The following FN1 variants were observed in gnomAD, a reference collection of about 807,000 sequenced individuals.
FN1 encodes the protein fibronectin.
FN1 carries 106 observed loss-of-function variants against 297.3 expected under a neutral mutation model. That is an observed-to-expected ratio of 0.36 (90% CI 0.30 to 0.42). FN1 has a LOEUF of 0.42. Ranked by LOEUF, FN1 falls within the 10% of genes least tolerant of loss-of-function variation. FN1 has a pLI of 1.00. For synonymous variants in FN1, 1,149 were observed against 1,152.6 expected (o/e 1.00, Z 0.06); for missense variants, 2,690 against 3,124.9 (o/e 0.86, Z 3.32).
chr2:215,410,419 G>A (rs1350141181), intron 13 of FN1, among the ~76,000 whole-genome samples: 2 of 151,974 alleles, frequency 1.3e-5, no homozygotes, highest in African/African-American at 4.8e-5. Context: ...TAAGGCAATG[G>A]CATTGTTGCT....
intron 19 of FN1, 125 bp from the exon 20 acceptor site, chr2:215,404,780 A>C (rs981262638): frequency 2.2e-6 from 2 of 924,080 alleles, no homozygotes; most frequent in African/African-American, 3.3e-5. Flanking sequence ...GAAAGTCAAA[A>C]CCCTGGAAAA....
intron 40 of FN1, among the ~76,000 whole-genome samples, chr2:215,371,400 T>C (rs1156547643): frequency 6.6e-6 from 1 of 151,686 alleles, no homozygotes; most frequent in African/African-American, 2.4e-5. Context: ...GATAGTGGGG[T>C]TCTTCAAGGA....
chr2:215,407,133 G>A lies in FN1; in HGVS notation c.2707C>T (p.Arg903Cys), dbSNP rs371435589. 3.7e-6 allele frequency: 6 copies of A among 1,613,064 alleles called. No homozygotes were observed. Among genetic ancestry groups the A allele is most frequent in the East Asian group, 2.2e-5 (1 of 44,892 alleles). Residue 903 changes from arginine (R) to cysteine (C), a missense_variant, in exon 18 of 46, where the codon CGC becomes TGC. Arg to Cys is a radical substitution (Grantham distance 180). Transcript: ENST00000354785. ...VIQQETTGTP[R>C]SDTVPSPRDL... Reference sequence around the variant, plus strand: ...GTCTTCTTAAAAAAGTTACCTGAGCGTGGGGTGCCAGTGGTTTCTTGTTGA... The same window carrying A: ...GTCTTCTTAAAAAAGTTACCTGAGCATGGGGTGCCAGTGGTTTCTTGTTGA...
intron 28 of FN1, 118 bp downstream of exon 28, chr2:215,386,571 T>C: frequency 1.0e-5 from 1 of 98,806 alleles, no homozygotes; most frequent in Non-Finnish European, 1.9e-5. Context: ...ATGATCTATT[T>C]TTTTTTTTTT....
chr2:215,361,692 T>G (rs2053474604), intron 45 of FN1, 66 bp from the exon 46 acceptor site: 6 of 1,243,516 alleles, frequency 4.8e-6, no homozygotes, highest in South Asian at 3.6e-5. Context: ...GAAAAAAAAA[T>G]GCGGGGAGGT....
chr2:215,375,213 C>T lies in FN1; in HGVS notation c.6157+1G>A. ...AAATGACAGCATGGAAGCAGCAATACCAGTAATAGTAGCCTCTGTGACACC... is the reference window on the plus strand; with the variant it reads ...AAATGACAGCATGGAAGCAGCAATATCAGTAATAGTAGCCTCTGTGACACC... On this transcript the variant is annotated splice_donor_variant, in intron 38 of 45. Transcript: ENST00000354785. LOFTEE classifies it high-confidence loss of function. 1 of 1,613,992 alleles carries T rather than the reference C, an allele frequency of 6.2e-7. No homozygotes were observed. Among genetic ancestry groups the T allele is most frequent in the Non-Finnish European group, 8.5e-7 (1 of 1,179,912 alleles).
chr2:215,401,251 G>GAAATA (rs1559475860), intron 20 of FN1, among the ~76,000 whole-genome samples: 1 of 80,170 alleles, frequency 1.2e-5, no homozygotes, highest in African/African-American at 5.2e-5. Context: ...AGAAAGAAAG[G>GAAATA]AAGAAAGAAA....
rs1451748095 is a variant in FN1 at position 215,389,400 on chromosome 2, GCTT to G, written c.4253-1102_4253-1100del. The stretch of plus-strand genomic sequence containing the variant: ...TTACAGGCGTGAGCCACTGTGCCCA[GCTT>G]CTTCTTCCATTTTGATACACAGTCA... On this transcript the variant is annotated intron_variant, in intron 26 of 45. Transcript: ENST00000354785. 4.6e-5 allele frequency among the ~76,000 whole-genome samples: 7 copies of G among 152,028 alleles called. No homozygotes were observed. The East Asian group carries it at 1.2e-3, about 25-fold the overall frequency.
intron 40 of FN1, among the ~76,000 whole-genome samples, chr2:215,370,967 A>C (rs2055907308): frequency 6.6e-6 from 1 of 152,132 alleles, no homozygotes; most frequent in Admixed American, 6.5e-5. Context: ...ACACAATAAA[A>C]ATTGATACTG....
chr2:215,397,903 T>TA, intron 21 of FN1, 55 bp from the exon 22 acceptor site: 1 of 1,453,994 alleles, frequency 6.9e-7, no homozygotes, highest in Non-Finnish European at 9.7e-7. Context: ...AGAGGACTGT[T>TA]ACTGCTGTGA....
intron 12 of FN1, among the ~76,000 whole-genome samples, chr2:215,416,059 GA>G (rs1234614265): frequency 4.6e-5 from 7 of 151,518 alleles, no homozygotes; most frequent in Admixed American, 1.3e-4. Flanking sequence ...AAGCTTCTAG[GA>G]AAAAAAATAC....
intron 26 of FN1, among the ~76,000 whole-genome samples, chr2:215,391,048 T>C (rs917226051): frequency 1.3e-4 from 20 of 152,346 alleles, no homozygotes; most frequent in African/African-American, 4.8e-4. Context: ...ACAATTTCCA[T>C]AAATTGTTGT....
rs746541986 is a variant in FN1 at position 215,419,251 on chromosome 2, T to C, written c.1810A>G (p.Thr604Ala). 14 of 1,613,876 alleles carry C rather than the reference T, an allele frequency of 8.7e-6. No individual in the cohort carries two copies. Among genetic ancestry groups the C allele is most frequent in the Non-Finnish European group, 1.2e-5 (14 of 1,179,916 alleles). Residue 604 changes from threonine to alanine, a missense_variant, in exon 12 of 46, where the codon ACC becomes GCC. By Grantham distance (58) the Thr-to-Ala change is moderately conservative. Coordinates refer to ENST00000354785, the MANE Select transcript of FN1 (RefSeq NM_212482.4). ...TAATAGAGCTACTTACTTGGATAGG[T>C]CTGTAAAGGTTGGCAATGCCACTCC... ...IGEWHCQPLQTYPSSSGPVEV... is the reference protein window; with the variant it reads ...IGEWHCQPLQAYPSSSGPVEV...
At chr2:215,378,365 TAAAC>T (rs1257389830) in intron 34 of FN1, 103 bp from the exon 35 acceptor site, 8 of 721,828 alleles carry the variant, frequency 1.1e-5, no homozygotes, top group Non-Finnish European at 1.8e-5. Flanking sequence ...AAATAAAAAA[TAAAC>T]AAACCAGCAA....
At chr2:215,381,244 G>C (rs1055602290) in intron 32 of FN1, 164 bp from the exon 33 acceptor site, 10 of 703,766 alleles carry the variant, frequency 1.4e-5, no homozygotes, top group Non-Finnish European at 2.2e-5. Context: ...AATTTTTCTT[G>C]GTTTAGAAAA....
At position 215,406,325 on chromosome 2, in the gene FN1, G is replaced by A. The variant is rs764656778; in HGVS notation, c.2899C>T (p.Leu967=). ...SRNTFAEVTG[L]SPGVTYYFKV... ...AAGTAATAGGTGACCCCAGGGGACAGCCCGGTGACTTCTGCAAAGGTGTTC... is the reference window on the plus strand; with the variant it reads ...AAGTAATAGGTGACCCCAGGGGACAACCCGGTGACTTCTGCAAAGGTGTTC... The change falls in exon 19 of 46, where the codon CTG becomes TTG. Residue 967 remains leucine (L), a synonymous_variant. Transcript: ENST00000354785. 1.1e-5 allele frequency: 18 copies of A among 1,614,064 alleles called. No homozygotes were observed. In the Middle Eastern group the frequency reaches 4.9e-4, roughly 44 times the overall value.
At chr2:215,434,400 T>C (rs902353079) in intron 2 of FN1, among the ~76,000 whole-genome samples, 2 of 116,032 alleles carry the variant, frequency 1.7e-5, no homozygotes, top group African/African-American at 6.5e-5. Context: ...ATTAAAATTT[T>C]ATAAGCAATT....
chr2:215,367,870 A>G lies in FN1; in HGVS notation c.7011T>C (p.Asp2337=). The G allele has an allele frequency of 6.2e-7, 1 of 1,614,040 alleles. No individual in the cohort carries two copies. The highest frequency in any genetic ancestry group is 8.5e-7 in the Non-Finnish European group (1 of 1,179,914). ...GACAAAGCAACTACTCACTAGATGA[A>G]TCACATCTGAAATGACCACTTCCAA... is the stretch of plus-strand genomic sequence containing the variant. ...LGFGSGHFRC[D]SSRWCHDNGV... The change falls in exon 42 of 46, where the codon GAT becomes GAC. Residue 2337 remains aspartate, a synonymous_variant. Transcript: ENST00000354785.
At chr2:215,400,070 C>T (rs2060812584) in intron 20 of FN1, among the ~76,000 whole-genome samples, 2 of 151,992 alleles carry the variant, frequency 1.3e-5, no homozygotes, top group African/African-American at 4.8e-5. Flanking sequence ...TGCCTGTAGT[C>T]CCAGCTTCTT....
Sources: allele counts gnomAD v4.1 joint callset (sites outside exome capture counted in the v4.1 genomes callset), GRCh38; gene constraint gnomAD v4.1.1; transcripts MANE v1.5; gene names NCBI Gene and HGNC (gene_info 2026-07-23, HGNC 2026-07-21).